Variants in SNRK observed in about 807,000 individuals in gnomAD.
The protein encoded by SNRK is SNF-related serine/threonine-protein kinase.
Under a neutral mutation model 48.2 loss-of-function variants are expected in SNRK, and 3 were observed. That is an observed-to-expected ratio of 0.06 (90% confidence interval 0.03 to 0.16). The LOEUF is 0.16. Among genes scored for constraint, SNRK ranks in the 10% least tolerant of loss-of-function variants. The pLI is 1.00. For missense variants in SNRK, 627 were observed against 976.0 expected (o/e 0.64, Z 4.76); for synonymous variants, 376 against 366.1 (o/e 1.03, Z -0.31).
At chr3:43,325,575 A>G (rs1269900068) in intron 3 of SNRK, among the ~76,000 whole-genome samples, 1 of 152,256 alleles carries the variant, frequency 6.6e-6, no homozygotes, top group Non-Finnish European at 1.5e-5. Flanking sequence ...ATGCTGATTC[A>G]TATAGGTCTC....
Position 43,347,939 on chromosome 3 carries a change from C to G in SNRK, c.1680C>G (p.Phe560Leu). Residue 560 changes from phenylalanine to leucine, a missense_variant, in exon 7 of 7, where the codon TTC becomes TTG. This residue lies in a region of SNRK where 98 missense variants were observed against 175.2 expected (regional missense o/e 0.56). Coordinates refer to ENST00000296088, the MANE Select transcript of SNRK (RefSeq NM_017719.5). The surrounding 1 kb of genome is among the most constrained non-coding windows in gnomAD (Gnocchi z 5.4). ...SRRRLDKDSG[F>L]TYSWHRRDSS... ...GGCGGCTCGATAAAGATAGCGGGTT[C>G]ACCTACTCCTGGCACCGACGGGATA... The G allele has an allele frequency of 6.2e-7, 1 of 1,614,110 alleles. No individual in the cohort carries two copies. The highest frequency in any genetic ancestry group is 8.5e-7 in the Non-Finnish European group (1 of 1,180,038).
At chr3:43,338,354 G>A (rs4642093) in intron 4 of SNRK, among the ~76,000 whole-genome samples, 149,406 of 152,354 alleles carry the variant, frequency 0.98, 73,325 homozygotes, top group East Asian at 1. Flanking sequence ...CATTGAGTAT[G>A]GAATTCTAGA....
At chr3:43,314,205 A>G (rs1429299827) in intron 3 of SNRK, among the ~76,000 whole-genome samples, 1 of 152,222 alleles carries the variant, frequency 6.6e-6, no homozygotes, top group Non-Finnish European at 1.5e-5. Context: ...TTTCTGATTC[A>G]TAATGCCTTA....
In SNRK at chr3:43,332,242, T is replaced by C; in HGVS notation, c.663T>C (p.Ser221=). ...CGCCCTTTCAAGAAGCCAATGACAG[T>C]GAAACACTGACAATGATCATGGATT... The part of the protein sequence containing the change: ...GQPPFQEAND[S]ETLTMIMDCK... The change falls in exon 4 of 7, where the codon AGT becomes AGC. Residue 221 remains serine (S), a synonymous_variant. Transcript: ENST00000296088. 2 of 1,601,294 alleles carry C rather than the reference T, an allele frequency of 1.2e-6. No homozygotes were observed.
intron 3 of SNRK, among the ~76,000 whole-genome samples, chr3:43,328,163 A>G (rs531608451): frequency 6.6e-6 from 1 of 152,140 alleles, no homozygotes; most frequent in South Asian, 2.1e-4. Context: ...TTTTTTGGAA[A>G]TGATTATAAT....
chr3:43,295,191 A>G (rs1575530363), intron 1 of SNRK, among the ~76,000 whole-genome samples: 1 of 152,214 alleles, frequency 6.6e-6, no homozygotes, highest in South Asian at 2.1e-4. Context: ...AATACTAAGT[A>G]CTGTACATCA....
intron 1 of SNRK, among the ~76,000 whole-genome samples, chr3:43,294,755 T>C (rs2125613728): frequency 1.3e-5 from 2 of 152,234 alleles, no homozygotes; most frequent in Admixed American, 1.3e-4. Context: ...CACAATTCTT[T>C]TTTTGACCAT....
chr3:43,298,567 C>T (rs1165239588), intron 1 of SNRK, among the ~76,000 whole-genome samples: 1 of 152,212 alleles, frequency 6.6e-6, no homozygotes, highest in Non-Finnish European at 1.5e-5. Context: ...CGTCCTTTCA[C>T]CTGTCCTATC....
intron 3 of SNRK, among the ~76,000 whole-genome samples, chr3:43,310,556 CTTTGT>C (rs2090971922): frequency 6.6e-6 from 1 of 151,866 alleles, no homozygotes; most frequent in South Asian, 2.1e-4. Flanking sequence ...TTTTATTGTG[CTTTGT>C]TTTGTTTGAA....
At chr3:43,334,412 G>T (rs567988677) in intron 4 of SNRK, among the ~76,000 whole-genome samples, 6 of 151,394 alleles carry the variant, frequency 4.0e-5, no homozygotes, top group African/African-American at 1.2e-4. Flanking sequence ...GGTGAGCTGC[G>T]ATTGCACCAC....
rs2091253895 is a variant in SNRK at position 43,343,608 on chromosome 3, G to A, written c.1079+130G>A. 3.0e-6 allele frequency: 3 copies of A among 1,004,798 alleles called. No homozygotes were observed. The South Asian group carries it at 4.5e-5, about 15-fold the overall frequency. The allele number at this position is 1,004,798 out of a possible 1,614,324, so 62.2% of individuals were successfully genotyped here. The stretch of plus-strand genomic sequence containing the variant: ...AAACAGTGATGACGGCCTCATTGGA[G>A]AGGCCACACACGGGCTCTTCAGGTG... On this transcript the variant is annotated intron_variant, in intron 6 of 6. Coordinates refer to ENST00000296088, the MANE Select transcript of SNRK (RefSeq NM_017719.5).
chr3:43,315,886 T>C (rs1559463811), intron 3 of SNRK, among the ~76,000 whole-genome samples: 1 of 152,238 alleles, frequency 6.6e-6, no homozygotes, highest in Non-Finnish European at 1.5e-5. Context: ...TATACATCTA[T>C]AATGTTATCA....
chr3:43,311,534 T>C (rs1011198193), intron 3 of SNRK, among the ~76,000 whole-genome samples: 13 of 152,196 alleles, frequency 8.5e-5, no homozygotes, highest in African/African-American at 3.1e-4. Flanking sequence ...TCAGAAAGGA[T>C]AGGGGGAAAA....
In SNRK at chr3:43,349,552, C is replaced by T. The variant is rs2091307002; in HGVS notation, c.*995C>T. 1 of 152,160 alleles carries T rather than the reference C, an allele frequency of 6.6e-6. No individual in the cohort carries two copies. Among genetic ancestry groups the T allele is most frequent in the Non-Finnish European group, 1.5e-5 (1 of 68,030 alleles). The allele number at this position is 152,160 out of a possible 1,614,324, so 9.4% of individuals were successfully genotyped here. On this transcript the variant is annotated 3_prime_UTR_variant, in exon 7 of 7. Transcript: ENST00000296088. ...TTTGTTATTTTCATTCAGTTATATC[C>T]TTTGGCTCAGCTAGCTTTGAAATTG...
At chr3:43,298,409 G>A (rs2090873220) in intron 1 of SNRK, among the ~76,000 whole-genome samples, 1 of 152,140 alleles carries the variant, frequency 6.6e-6, no homozygotes, top group Non-Finnish European at 1.5e-5. Context: ...AACCAGTCAG[G>A]TAGGCATCCC....
intron 1 of SNRK, among the ~76,000 whole-genome samples, 161 bp downstream of exon 1, chr3:43,286,836 A>C (rs1276672397): frequency 6.9e-6 from 1 of 145,022 alleles, no homozygotes; most frequent in Non-Finnish European, 1.5e-5. Context: ...CGCCGGCCGC[A>C]GCGCGCGGCC....
chr3:43,343,721 C>T (rs1165412560), intron 6 of SNRK, among the ~76,000 whole-genome samples: 2 of 152,022 alleles, frequency 1.3e-5, no homozygotes, highest in Non-Finnish European at 2.9e-5. Flanking sequence ...TTGGCATGGT[C>T]AGGAAAACAT....
chr3:43,331,682 G>A (rs529478218), intron 3 of SNRK, among the ~76,000 whole-genome samples: 4 of 152,140 alleles, frequency 2.6e-5, no homozygotes, highest in African/African-American at 9.6e-5. Flanking sequence ...TCCTCCTTGA[G>A]CTTTAATTTT....
chr3:43,340,681 T>C (rs2091229107), intron 5 of SNRK, 182 bp downstream of exon 5: 3 of 602,772 alleles, frequency 5.0e-6, no homozygotes, highest in Non-Finnish European at 8.7e-6. Flanking sequence ...TTTGGTGTTT[T>C]GGTTTTTATG....
Sources: gnomAD v4.1 joint callset for allele counts (sites outside exome capture counted in the v4.1 genomes callset) on GRCh38, gnomAD v4.1.1 for gene constraint, gnomAD v4.1.1 regional missense constraint, Gnocchi (gnomAD v3.1) non-coding constraint, MANE v1.5 for transcripts, NCBI Gene and HGNC (gene_info 2026-07-23, HGNC 2026-07-21) for gene names.